The following REV1 variants were observed in gnomAD, a reference collection of about 807,000 sequenced individuals.
REV1 encodes REV1 DNA directed polymerase.
Under a neutral mutation model 137.4 loss-of-function variants are expected in REV1, and 42 were observed. The observed-to-expected ratio is 0.31, with a 90% confidence interval of 0.24 to 0.40. REV1 has a LOEUF of 0.40. Ranked by LOEUF, REV1 falls within the 10% of genes least tolerant of loss-of-function variation. The pLI, the probability that REV1 is intolerant of heterozygous loss-of-function variation, is 1.00. For synonymous variants in REV1, 524 were observed against 519.2 expected, an observed-to-expected ratio of 1.01 and a Z score of -0.12; for missense variants, 1,282 against 1,490.1, an observed-to-expected ratio of 0.86 and a Z score of 2.30.
chr2:99,485,210 G>C (rs1687014167), intron 1 of REV1, among the ~76,000 whole-genome samples: 1 of 152,100 alleles, frequency 6.6e-6, no homozygotes, highest in African/African-American at 2.4e-5. Context: ...AATTACCACA[G>C]GCAGAATCTT....
intron 9 of REV1, among the ~76,000 whole-genome samples, 164 bp downstream of exon 9, chr2:99,429,676 C>G (rs968305160): frequency 6.7e-6 from 1 of 150,302 alleles, no homozygotes; most frequent in East Asian, 1.9e-4. Flanking sequence ...TTATCTAGCA[C>G]TGGTGGGGGG....
At chr2:99,426,376 C>A (rs978444431) in intron 9 of REV1, among the ~76,000 whole-genome samples, 2 of 151,854 alleles carry the variant, frequency 1.3e-5, no homozygotes, top group African/African-American at 4.8e-5. Context: ...TGTTTATAAT[C>A]CCTATAAATA....
At chr2:99,461,455 A>G (rs1381240998) in intron 3 of REV1, among the ~76,000 whole-genome samples, 3 of 152,212 alleles carry the variant, frequency 2.0e-5, no homozygotes, top group African/African-American at 7.2e-5. Context: ...GAAGAGCACA[A>G]GAAGTCACCT....
intron 4 of REV1, among the ~76,000 whole-genome samples, chr2:99,442,928 T>C (rs1681699304): frequency 6.6e-6 from 1 of 152,214 alleles, no homozygotes; most frequent in Non-Finnish European, 1.5e-5. Context: ...CCAAGGCCAT[T>C]TGAAGATATG....
chr2:99,437,137 G>A (rs930044865), intron 6 of REV1, among the ~76,000 whole-genome samples: 5 of 151,536 alleles, frequency 3.3e-5, no homozygotes, highest in African/African-American at 4.8e-5. Flanking sequence ...GTGCCACCAC[G>A]CCCAGCTAAT....
At chr2:99,429,752 C>CTGGCCTG in intron 9 of REV1, 88 bp downstream of exon 9, 2 of 673,364 alleles carry the variant, frequency 3.0e-6, no homozygotes, top group Non-Finnish European at 4.3e-6. Flanking sequence ...CATTTAAATC[C>CTGGCCTG]ACTTCAAAAG....
At chr2:99,401,382 A>G (rs1553537986) in intron 22 of REV1, 30 bp from the exon 23 acceptor site, 2 of 1,447,466 alleles carry the variant, frequency 1.4e-6, no homozygotes, top group Non-Finnish European at 1.9e-6. Context: ...AAATGTCATT[A>G]GGAATTAGGA....
chr2:99,477,565 A>G (rs960137889), intron 1 of REV1, among the ~76,000 whole-genome samples: 1 of 152,326 alleles, frequency 6.6e-6, no homozygotes, highest in Non-Finnish European at 1.5e-5. Flanking sequence ...CCTAATGCAT[A>G]AGTACATCTG....
intron 15 of REV1, among the ~76,000 whole-genome samples, chr2:99,407,410 G>A (rs181889526): frequency 6.6e-6 from 1 of 151,808 alleles, no homozygotes; most frequent in Non-Finnish European, 1.5e-5. Context: ...AAATTAGCTG[G>A]GCGTGGTAGC....
At chr2:99,469,342 T>C (rs9308822) in intron 1 of REV1, among the ~76,000 whole-genome samples, 25,165 of 152,190 alleles carry the variant, frequency 0.17, 2,638 homozygotes, top group African/African-American at 0.28. Flanking sequence ...CTTGGTTCTT[T>C]TCTGTTTCCA....
intron 9 of REV1, among the ~76,000 whole-genome samples, chr2:99,427,130 C>T (rs1370144644): frequency 1.3e-5 from 2 of 151,932 alleles, no homozygotes; most frequent in East Asian, 1.9e-4. Context: ...TGCAGTGAGC[C>T]GAGATAGCAC....
At chr2:99,424,367 C>T in intron 9 of REV1, 87 bp from the exon 10 acceptor site, 2 of 1,335,742 alleles carry the variant, frequency 1.5e-6, no homozygotes, top group Non-Finnish European at 2.1e-6. Context: ...CTCCCCATGC[C>T]ACTAATTTAT....
intron 12 of REV1, among the ~76,000 whole-genome samples, chr2:99,417,421 G>A (rs1224789206): frequency 6.6e-6 from 1 of 152,130 alleles, no homozygotes; most frequent in Non-Finnish European, 1.5e-5. Flanking sequence ...TGGGATTACA[G>A]GTGTGAGTCA....
rs927391743 is a variant in REV1 at position 99,401,051 on chromosome 2, A to G, written c.*190T>C. 21 of 419,282 alleles carry G rather than the reference A, an allele frequency of 5.0e-5. No individual in the cohort carries two copies. Among genetic ancestry groups the G allele is most frequent in the Admixed American group, 7.4e-5 (2 of 27,162 alleles). The allele number at this position is 419,282 out of a possible 1,614,324, so 26.0% of individuals were successfully genotyped here. A position where few individuals can be genotyped will look rare whatever the true frequency, so the allele number is the denominator to read the frequency against. ...TAAATAGAATCTATGCTACAGTAAA[A>G]TAATTAACACAATTATTTACATGCA... On this transcript the variant is annotated 3_prime_UTR_variant, in exon 23 of 23. Coordinates refer to ENST00000258428, the MANE Select transcript of REV1 (RefSeq NM_016316.4).
intron 1 of REV1, among the ~76,000 whole-genome samples, chr2:99,486,869 G>C (rs1687192951): frequency 6.6e-6 from 1 of 151,804 alleles, no homozygotes; most frequent in Non-Finnish European, 1.5e-5. Context: ...CGCTTGTTGA[G>C]AACAGGGCTG....
intron 3 of REV1, among the ~76,000 whole-genome samples, chr2:99,453,377 G>T (rs1683139068): frequency 6.6e-6 from 1 of 150,956 alleles, no homozygotes; most frequent in Non-Finnish European, 1.5e-5. Flanking sequence ...AAAGAATTAT[G>T]TGTCAGCTCT....
intron 4 of REV1, among the ~76,000 whole-genome samples, chr2:99,449,133 C>T (rs1428400132): frequency 1.3e-5 from 2 of 151,954 alleles, no homozygotes; most frequent in East Asian, 1.9e-4. Context: ...GGTGTGGTGG[C>T]GCCTGCCTGT....
chr2:99,421,976 T>C (rs1382967157), intron 10 of REV1, among the ~76,000 whole-genome samples: 1 of 152,210 alleles, frequency 6.6e-6, no homozygotes, highest in Non-Finnish European at 1.5e-5. Flanking sequence ...ATACTGACAA[T>C]ACTTCTATAA....
chr2:99,450,546 AAACT>A (rs577530880), intron 3 of REV1, among the ~76,000 whole-genome samples: 68 of 152,332 alleles, frequency 4.5e-4, no homozygotes, highest in African/African-American at 1.4e-3. Flanking sequence ...AGAAGATAAA[AAACT>A]AACAGCACAT....
Sources: allele counts gnomAD v4.1 joint callset (sites outside exome capture counted in the v4.1 genomes callset), GRCh38; gene constraint gnomAD v4.1.1; transcripts MANE v1.5; gene names NCBI Gene and HGNC (gene_info 2026-07-23, HGNC 2026-07-21).